Variants in DNAH14 observed in about 807,000 individuals in gnomAD.
DNAH14 encodes the protein axonemal beta dynein heavy chain 14.
Under a neutral mutation model 520.9 loss-of-function variants are expected in DNAH14, and 478 were observed. That is an observed-to-expected ratio of 0.92 (90% CI 0.85 to 0.99). The LOEUF (loss-of-function observed/expected upper bound fraction) is 0.99, where lower values mean the gene tolerates loss of function less well. Among genes scored for constraint, DNAH14 ranks in the 50% least tolerant of loss-of-function variants. The pLI is 0.00. For synonymous variants in DNAH14, 1,581 were observed against 1,757.2 expected (o/e 0.90, Z 2.51); for missense variants, 4,831 against 5,234.5 (o/e 0.92, Z 2.38).
chr1:225,018,226 C>T (rs758338073), intron 10 of DNAH14, among the ~76,000 whole-genome samples: 17 of 152,086 alleles, frequency 1.1e-4, no homozygotes, highest in East Asian at 1.9e-4. Context: ...AACTGAATTT[C>T]GGGATATGCA....
At chr1:225,024,352 G>C in intron 11 of DNAH14, 1 of 764,456 alleles carries the variant, frequency 1.3e-6, no homozygotes, top group Non-Finnish European at 1.6e-6. Context: ...AAAACTATCT[G>C]AAAAACATTT....
chr1:225,356,605 G>A (rs899197062), intron 73 of DNAH14, among the ~76,000 whole-genome samples: 1 of 152,100 alleles, frequency 6.6e-6, no homozygotes, highest in Non-Finnish European at 1.5e-5. Flanking sequence ...TGAATAATCT[G>A]TATAGAACAA....
chr1:225,077,080 A>G (rs2072384273), intron 17 of DNAH14, among the ~76,000 whole-genome samples: 3 of 152,236 alleles, frequency 2.0e-5, no homozygotes, highest in Admixed American at 6.5e-5. Flanking sequence ...TGGGAATTGA[A>G]CAATAAGAAA....
At chr1:225,191,527 G>GT (rs578165137) in intron 37 of DNAH14, among the ~76,000 whole-genome samples, 81 of 152,038 alleles carry the variant, frequency 5.3e-4, no homozygotes, top group Non-Finnish European at 8.4e-4. Flanking sequence ...ATTATAATGT[G>GT]TGGATCTCTT....
chr1:225,390,683 G>T (rs1194161176), intron 83 of DNAH14, among the ~76,000 whole-genome samples: 1 of 152,160 alleles, frequency 6.6e-6, no homozygotes, highest in East Asian at 1.9e-4. Flanking sequence ...TCCAGGTGCG[G>T]ACAGGGGAAG....
At chr1:225,097,078 A>T in intron 21 of DNAH14, 40 bp from the exon 22 acceptor site, 1 of 1,460,920 alleles carries the variant, frequency 6.8e-7, no homozygotes, top group Non-Finnish European at 9.1e-7. Flanking sequence ...ATAATTTTAT[A>T]TATTTAGATT....
intron 69 of DNAH14, 126 bp downstream of exon 69, chr1:225,340,827 G>A (rs1182415155): frequency 8.6e-7 from 1 of 1,165,270 alleles, no homozygotes; most frequent in African/African-American, 1.6e-5. Context: ...AACTGATAAA[G>A]GTAGGTGAAT....
Position 225,337,480 on chromosome 1 carries a change from G to A in DNAH14, c.10295G>A (p.Gly3432Glu), listed in dbSNP as rs764764295. 4.8e-5 allele frequency: 74 copies of A among 1,551,616 alleles called. No homozygotes were observed. The highest frequency in any genetic ancestry group is 6.1e-5 in the Non-Finnish European group (70 of 1,146,874). The part of the protein sequence containing the change: ...KKIENAMKTG[G>E]SVLLQNLLET... ...ATTGAAAATGCTATGAAGACAGGAG[G>A]GAGTGTCCTCCTGCAGGTAAGTGGG... Residue 3432 changes from glycine to glutamate, a missense_variant, in exon 67 of 86, where the codon GGG (glycine) becomes GAG (glutamate). Coordinates refer to ENST00000682510, the MANE Select transcript of DNAH14 (RefSeq NM_001367479.1).
chr1:225,294,611 A>G (rs971756858), intron 55 of DNAH14, among the ~76,000 whole-genome samples: 1 of 152,176 alleles, frequency 6.6e-6, no homozygotes, highest in African/African-American at 2.4e-5. Flanking sequence ...ACCTGAGGTC[A>G]AAAGTTCAAG....
At chr1:225,269,226 G>A (rs2093230195) in intron 49 of DNAH14, among the ~76,000 whole-genome samples, 1 of 152,072 alleles carries the variant, frequency 6.6e-6, no homozygotes, top group South Asian at 2.1e-4. Flanking sequence ...CAAGAAATGG[G>A]GTAAGGATTC....
At chr1:225,072,778 T>C (rs2071705067) in intron 17 of DNAH14, among the ~76,000 whole-genome samples, 1 of 152,078 alleles carries the variant, frequency 6.6e-6, no homozygotes, top group Admixed American at 6.5e-5. Context: ...ATGCTGGGGG[T>C]CCACTGCAGT....
chr1:225,001,526 G>A (rs1364266878), intron 8 of DNAH14, among the ~76,000 whole-genome samples: 1 of 152,002 alleles, frequency 6.6e-6, no homozygotes, highest in Non-Finnish European at 1.5e-5. Flanking sequence ...CAGTCAATGT[G>A]TTATTTTTTT....
Position 225,033,927 on chromosome 1 carries a change from G to A in DNAH14, c.1359-4767G>A, listed in dbSNP as rs113767898. Among the ~76,000 whole-genome samples the A allele has an allele frequency of 3.9e-3, 589 of 152,246 alleles. 5 individuals are homozygous for A. Among genetic ancestry groups the A allele is most frequent in the African/African-American group, 0.013 (557 of 41,558 alleles). On this transcript the variant is annotated intron_variant, in intron 11 of 85. Transcript: ENST00000682510. ...TTTCTGTACATTGATTTTGTATCCTGCAACTTTGCTAAAGCTGTTTATCAG... is the reference window on the plus strand; with the variant it reads ...TTTCTGTACATTGATTTTGTATCCTACAACTTTGCTAAAGCTGTTTATCAG...
At chr1:225,026,752 A>G (rs1332513283) in intron 11 of DNAH14, among the ~76,000 whole-genome samples, 1 of 152,080 alleles carries the variant, frequency 6.6e-6, no homozygotes, top group African/African-American at 2.4e-5. Flanking sequence ...GGTCCCTTGC[A>G]TTTTCATATG....
intron 43 of DNAH14, among the ~76,000 whole-genome samples, chr1:225,250,207 G>C (rs1374855761): frequency 6.6e-6 from 1 of 152,104 alleles, no homozygotes; most frequent in East Asian, 1.9e-4. Context: ...AATATATTAG[G>C]GTTCTTGTTC....
intron 1 of DNAH14, among the ~76,000 whole-genome samples, chr1:224,936,226 A>G (rs2059026862): frequency 6.6e-6 from 1 of 151,862 alleles, no homozygotes; most frequent in Non-Finnish European, 1.5e-5. Flanking sequence ...TCAGATCTAA[A>G]TGAAATAGTG....
intron 55 of DNAH14, among the ~76,000 whole-genome samples, chr1:225,290,647 GTA>G (rs56045354): frequency 0.02 from 1,158 of 57,412 alleles, 27 homozygotes; most frequent in African/African-American, 0.031. Flanking sequence ...GTGTGTGTGT[GTA>G]TATATATATA....
chr1:225,380,152 T>C lies in DNAH14; in HGVS notation c.12717-7T>C. The C allele has an allele frequency of 6.5e-7, 1 of 1,541,224 alleles. No individual in the cohort carries two copies. Among genetic ancestry groups the C allele is most frequent in the Non-Finnish European group, 8.7e-7 (1 of 1,142,858 alleles). ...GTGTCTCATTCTTCTCTTGGTTTTT[T>C]TTGCAGACCTGAGCAGAGTAAGGAT... On this transcript the variant is annotated splice_polypyrimidine_tract_variant and splice_region_variant and intron_variant, in intron 79 of 85. Coordinates refer to ENST00000682510, the MANE Select transcript of DNAH14 (RefSeq NM_001367479.1).
intron 8 of DNAH14, among the ~76,000 whole-genome samples, chr1:224,987,286 A>G (rs890143702): frequency 6.6e-6 from 1 of 152,156 alleles, no homozygotes; most frequent in African/African-American, 2.4e-5. Flanking sequence ...TCCAAGTTCA[A>G]ATCCAACAAC....
Sources: gnomAD v4.1 joint callset for allele counts (sites outside exome capture counted in the v4.1 genomes callset) on GRCh38, gnomAD v4.1.1 for gene constraint, MANE v1.5 for transcripts, NCBI Gene and HGNC (gene_info 2026-07-23, HGNC 2026-07-21) for gene names.